Variants in RBFOX1 observed in about 807,000 individuals in gnomAD.
RBFOX1 encodes the protein RNA binding fox-1 homolog 1, also known as RNA binding protein fox-1 homolog 1.
A neutral mutation model predicts 57.7 loss-of-function variants in RBFOX1; 8 were observed. That is an observed-to-expected ratio of 0.14 (90% CI 0.08 to 0.25). RBFOX1 has a LOEUF of 0.25. RBFOX1 is among the 10% of genes least tolerant of loss of function. RBFOX1 has a pLI of 1.00. For synonymous variants in RBFOX1, 326 were observed against 222.4 expected (o/e 1.47, Z -4.15); for missense variants, 611 against 548.5 (o/e 1.11, Z -1.14).
intron 1 of RBFOX1, among the ~76,000 whole-genome samples, chr16:6,294,604 T>A (rs1183576970): frequency 6.6e-6 from 1 of 152,176 alleles, no homozygotes; most frequent in African/African-American, 2.4e-5. Flanking sequence ...GAGTGCCTAC[T>A]TGATGCTGAG....
intron 1 of RBFOX1, among the ~76,000 whole-genome samples, chr16:5,276,556 G>C (rs552050349): frequency 2.1e-3 from 325 of 152,328 alleles, no homozygotes; most frequent in Non-Finnish European, 3.4e-3. Flanking sequence ...AGGCCGAGGC[G>C]GGTGTATCAC....
chr16:5,933,715 T>TAGA (rs1414342066), intron 4 of RBFOX1, among the ~76,000 whole-genome samples: 1 of 152,012 alleles, frequency 6.6e-6, no homozygotes, highest in Non-Finnish European at 1.5e-5. Flanking sequence ...GAGTTTGGGG[T>TAGA]AGAAGATTAA....
At chr16:7,256,767 T>C (rs974894256) in intron 4 of RBFOX1, among the ~76,000 whole-genome samples, 20 of 152,174 alleles carry the variant, frequency 1.3e-4, no homozygotes, top group Admixed American at 1.2e-3. Context: ...GGTTGTCCTG[T>C]GAGTTGCATT....
chr16:5,699,493 A>G (rs1363104390), intron 3 of RBFOX1, among the ~76,000 whole-genome samples: 5 of 151,678 alleles, frequency 3.3e-5, no homozygotes, highest in African/African-American at 7.3e-5. Context: ...ACTGAAGGCA[A>G]TTTTGCCCCC....
intron 4 of RBFOX1, among the ~76,000 whole-genome samples, chr16:7,490,838 G>A (rs1465221447): frequency 3.9e-5 from 6 of 152,104 alleles, no homozygotes; most frequent in African/African-American, 2.4e-5. Context: ...CCCAGAAACA[G>A]CACCTGCTGT....
intron 2 of RBFOX1, among the ~76,000 whole-genome samples, chr16:6,356,928 C>G (rs1197358448): frequency 2.0e-5 from 3 of 152,092 alleles, no homozygotes; most frequent in Admixed American, 6.6e-5. Context: ...TGAAATAAGT[C>G]TATGAAAGGA....
chr16:7,458,660 T>C (rs2058992534), intron 4 of RBFOX1, among the ~76,000 whole-genome samples: 1 of 152,148 alleles, frequency 6.6e-6, no homozygotes, highest in Non-Finnish European at 1.5e-5. Flanking sequence ...CCACTATGTC[T>C]TTTGTCTAGA....
intron 3 of RBFOX1, among the ~76,000 whole-genome samples, chr16:5,683,660 C>T (rs1005478715): frequency 1.3e-5 from 2 of 151,812 alleles, no homozygotes; most frequent in Admixed American, 6.6e-5. Context: ...GACTGTCTCT[C>T]CTTGCTCCTC....
chr16:5,406,822 C>G (rs491975), intron 1 of RBFOX1, among the ~76,000 whole-genome samples: 1 of 152,084 alleles, frequency 6.6e-6, no homozygotes, highest in Non-Finnish European at 1.5e-5. Flanking sequence ...GGGAGACAGA[C>G]GGCAGGCACA....
chr16:5,627,067 C>A (rs1479853070), intron 3 of RBFOX1, among the ~76,000 whole-genome samples: 1 of 152,200 alleles, frequency 6.6e-6, no homozygotes, highest in Admixed American at 6.5e-5. Context: ...TTTGCAGTTG[C>A]TGCTTTCCTC....
At chr16:7,664,702 C>T (rs984780053) in intron 12 of RBFOX1, 19 of 664,506 alleles carry the variant, frequency 2.9e-5, no homozygotes, top group East Asian at 5.7e-5. Context: ...CCTAGCACAC[C>T]GCCACCACCA....
intron 4 of RBFOX1, among the ~76,000 whole-genome samples, chr16:7,133,708 T>C (rs574240870): frequency 6.6e-6 from 1 of 152,334 alleles, no homozygotes; most frequent in African/African-American, 2.4e-5. Context: ...GTGGTATTTT[T>C]CTGAGTTCTG....
intron 3 of RBFOX1, among the ~76,000 whole-genome samples, chr16:6,665,555 G>T (rs2098726839): frequency 6.6e-6 from 1 of 151,772 alleles, no homozygotes; most frequent in Non-Finnish European, 1.5e-5. Flanking sequence ...AACCTGGGAG[G>T]CGGTGATTGC....
intron 1 of RBFOX1, among the ~76,000 whole-genome samples, chr16:6,106,897 T>A (rs906038898): frequency 6.6e-6 from 1 of 152,022 alleles, no homozygotes; most frequent in Admixed American, 6.5e-5. Context: ...GGTCTCAATC[T>A]CCTGACCTCG....
At chr16:6,841,934 C>T (rs1012437360) in intron 3 of RBFOX1, among the ~76,000 whole-genome samples, 1 of 151,098 alleles carries the variant, frequency 6.6e-6, no homozygotes, top group Non-Finnish European at 1.5e-5. Flanking sequence ...GTCAGGAGAT[C>T]GAGACCATCC....
intron 2 of RBFOX1, among the ~76,000 whole-genome samples, chr16:6,374,695 C>T (rs2090937894): frequency 6.6e-6 from 1 of 152,208 alleles, no homozygotes; most frequent in Non-Finnish European, 1.5e-5. Flanking sequence ...TTTTCCCATT[C>T]AGCTATAAGA....
intron 4 of RBFOX1, among the ~76,000 whole-genome samples, chr16:7,430,134 C>T (rs927132097): frequency 6.6e-6 from 1 of 152,202 alleles, no homozygotes; most frequent in African/African-American, 2.4e-5. Flanking sequence ...AGTCTATAAT[C>T]CAACCAAATG....
rs62014136 is a variant in RBFOX1, at chr16:5,825,826, T to G, written c.319-41477T>G. Among the ~76,000 whole-genome samples, 312 of 45,390 alleles carry G rather than the reference T, an allele frequency of 6.9e-3. 1 individual carries two copies. The highest frequency in any genetic ancestry group is 0.01 in the Middle Eastern group (1 of 100). The allele number at this position is 45,390 out of a possible 152,430, so 29.8% of individuals were successfully genotyped here. A position where few individuals can be genotyped will look rare whatever the true frequency, so the allele number is the denominator to read the frequency against. ...TAATATGAATAAGGAATAATATTCC[T>G]TAATATGAATAAGGAATAATATTCC... On this transcript the variant is annotated intron_variant, in intron 3 of 19. Transcript: ENST00000641259.
chr16:5,926,383 C>G (rs966375251), intron 4 of RBFOX1, among the ~76,000 whole-genome samples: 2 of 151,990 alleles, frequency 1.3e-5, no homozygotes, highest in Admixed American at 6.6e-5. Context: ...CCTAGGGAGT[C>G]TTTGAAAATG....
Sources: gnomAD v4.1 joint callset for allele counts (sites outside exome capture counted in the v4.1 genomes callset) on GRCh38, gnomAD v4.1.1 for gene constraint, MANE v1.5 for transcripts, NCBI Gene and HGNC (gene_info 2026-07-23, HGNC 2026-07-21) for gene names.